The following PFKL variants were observed in gnomAD, a reference collection of about 807,000 sequenced individuals.
PFKL encodes phosphofructokinase, liver type, also known as ATP-dependent 6-phosphofructokinase, liver type.
PFKL carries 74 observed loss-of-function variants against 92.1 expected under a neutral mutation model. That is an observed-to-expected ratio of 0.80 (90% CI 0.67 to 0.97). The LOEUF is 0.97. PFKL is among the 50% of genes least tolerant of loss of function. The probability of loss-of-function intolerance (pLI) is 0.00; values close to 1 mark genes in which losing one functional copy is unlikely to be tolerated. For synonymous variants in PFKL, 494 were observed against 456.4 expected (o/e 1.08, Z -1.05); for missense variants, 1,028 against 1,116.6 (o/e 0.92, Z 1.13).
At chr21:44,322,824 A>G in intron 14 of PFKL, 138 bp from the exon 15 acceptor site, 1 of 559,424 alleles carries the variant, frequency 1.8e-6, no homozygotes, top group Non-Finnish European at 3.2e-6. Flanking sequence ...GTGGAGCCAC[A>G]GCGCCACATC....
chr21:44,314,217 G>A, intron 7 of PFKL, 196 bp downstream of exon 7: 1 of 582,988 alleles, frequency 1.7e-6, no homozygotes, highest in East Asian at 2.8e-5. Flanking sequence ...CTGTGGTCCT[G>A]CCCCCAGTGG....
intron 14 of PFKL, 122 bp from the exon 15 acceptor site, chr21:44,322,840 C>A: frequency 1.6e-6 from 1 of 622,566 alleles, no homozygotes; most frequent in Non-Finnish European, 2.8e-6. Flanking sequence ...ACATCCCGGG[C>A]ATTGCAGCGA....
In PFKL at chr21:44,311,015, G is replaced by T; in HGVS notation, c.169G>T (p.Gly57Cys). The stretch of plus-strand genomic sequence containing the variant: ...CCACTCTTGATTTCAGGGCTATGAG[G>T]GCCTCGTGGAGGGAGGTGAGAACAT... Reference protein sequence around the residue: ...KVFLIYEGYEGLVEGGENIKQ... With the variant: ...KVFLIYEGYECLVEGGENIKQ... Residue 57 changes from glycine (G) to cysteine (C), a missense_variant, in exon 3 of 22, where the codon GGC becomes TGC. Physicochemically the swap from Gly to Cys is radical, Grantham distance 159. Transcript: ENST00000349048. 6.2e-6 allele frequency: 10 copies of T among 1,612,856 alleles called. No individual in the cohort carries two copies. Among genetic ancestry groups the T allele is most frequent in the Non-Finnish European group, 8.5e-6 (10 of 1,179,410 alleles).
At chr21:44,312,426 T>C in intron 4 of PFKL, 132 bp downstream of exon 4, 2 of 826,256 alleles carry the variant, frequency 2.4e-6, no homozygotes, top group Non-Finnish European at 1.8e-6. Context: ...TGTCTGGCCG[T>C]TGGCCGGGGA....
At chr21:44,307,547 C>T (rs1271996853) in intron 2 of PFKL, among the ~76,000 whole-genome samples, 1 of 152,200 alleles carries the variant, frequency 6.6e-6, no homozygotes, top group Non-Finnish European at 1.5e-5. Flanking sequence ...CCCAGGCACT[C>T]AGCCCCACCC....
intron 9 of PFKL, 33 bp downstream of exon 9, chr21:44,316,557 C>T (rs1338258121): frequency 7.4e-6 from 11 of 1,490,292 alleles, no homozygotes; most frequent in African/African-American, 6.9e-5. Context: ...TGCGTACGTG[C>T]GTGGGTAAGC....
Position 44,326,660 on chromosome 21 carries a change from A to T in PFKL, c.2196-55A>T, listed in dbSNP as rs548684867. 5,496 of 1,575,852 alleles carry T rather than the reference A, an allele frequency of 3.5e-3. 13 individuals are homozygous for T. The highest frequency in any genetic ancestry group is 4.4e-3 in the Non-Finnish European group (5,117 of 1,160,522). On this transcript the variant is annotated intron_variant, in intron 21 of 21. Coordinates refer to ENST00000349048, the MANE Select transcript of PFKL (RefSeq NM_002626.6). ...GGTGGGGGGGCTGGGGACGTGGCTG[A>T]AGAGCTGCCCTGACCCCTGACTCCC...
At chr21:44,316,720 C>T (rs547513801) in intron 9 of PFKL, among the ~76,000 whole-genome samples, 196 bp downstream of exon 9, 43 of 151,358 alleles carry the variant, frequency 2.8e-4, no homozygotes, top group African/African-American at 9.5e-4. Context: ...GTGTCTGGTC[C>T]GTGTGGGTGT....
chr21:44,315,706 C>A (rs548228516), intron 7 of PFKL: 8 of 170,096 alleles, frequency 4.7e-5, no homozygotes, highest in Admixed American at 2.8e-4. Flanking sequence ...GATGGTGTGT[C>A]CTATGTGCAC....
At position 44,324,929 on chromosome 21, in the gene PFKL, G is replaced by A. The variant is rs143022969; in HGVS notation, c.1877+12G>A. ...GGCCTGGTGCTGCGGTGAGGCTGCC[G>A]TGGGTCCCTGGCCACAGCTGCGCGT... On this transcript the variant is annotated intron_variant, in intron 18 of 21. Coordinates refer to ENST00000349048, the MANE Select transcript of PFKL (RefSeq NM_002626.6). The A allele has an allele frequency of 0.01, 16,028 of 1,596,610 alleles. 108 individuals carry two copies. The highest frequency in any genetic ancestry group is 0.012 in the Middle Eastern group (74 of 6,038).
rs917202253 is a variant in PFKL at position 44,326,944 on chromosome 21, G to A, written c.*82G>A. ...GCTCAGATGGGGCCTGGGCTGTTGTGTCTGGAGCCTGCAGGCAGGTGGGGG... is the reference window on the plus strand; with the variant it reads ...GCTCAGATGGGGCCTGGGCTGTTGTATCTGGAGCCTGCAGGCAGGTGGGGG... On this transcript the variant is annotated 3_prime_UTR_variant, in exon 22 of 22. Coordinates refer to ENST00000349048, the MANE Select transcript of PFKL (RefSeq NM_002626.6). The A allele has an allele frequency of 4.4e-5, 59 of 1,333,946 alleles. No individual in the cohort carries two copies. Among genetic ancestry groups the A allele is most frequent in the Non-Finnish European group, 5.8e-5 (55 of 956,218 alleles). 82.6% of individuals were successfully genotyped at this position (1,333,946 alleles called of 1,614,324 possible).
At chr21:44,318,815 C>T (rs779205018) in intron 10 of PFKL, among the ~76,000 whole-genome samples, 1 of 152,190 alleles carries the variant, frequency 6.6e-6, no homozygotes, top group Non-Finnish European at 1.5e-5. Context: ...TGTGTCGGAG[C>T]TGCAGGGAGC....
In PFKL at chr21:44,322,209, C is replaced by G; in HGVS notation, c.1409+6C>G. 6.3e-7 allele frequency: 1 copy of G among 1,598,430 alleles called. No individual in the cohort carries two copies. The highest frequency in any genetic ancestry group is 8.5e-7 in the Non-Finnish European group (1 of 1,176,254). On this transcript the variant is annotated splice_donor_region_variant and intron_variant, in intron 14 of 21. Coordinates refer to ENST00000349048, the MANE Select transcript of PFKL (RefSeq NM_002626.6). ...TCCATGCTGGGGACCAAGAGGTGAG[C>G]TGCCTGCTGCGGGTACCTGGGGGCA...
chr21:44,305,384 G>C, intron 1 of PFKL: 1 of 1,365,102 alleles, frequency 7.3e-7, no homozygotes, highest in South Asian at 1.1e-5. Context: ...ATGTTCAAGG[G>C]AGCTGCCGAG....
chr21:44,310,714 C>A (rs1602011175), intron 2 of PFKL, among the ~76,000 whole-genome samples: 1 of 152,214 alleles, frequency 6.6e-6, no homozygotes, highest in Middle Eastern at 3.4e-3. Context: ...GCTGAACTTG[C>A]CTGTGTGGAT....
chr21:44,308,000 C>T (rs541698151), intron 2 of PFKL, among the ~76,000 whole-genome samples: 5 of 152,274 alleles, frequency 3.3e-5, no homozygotes, highest in Admixed American at 1.3e-4. Context: ...GGCACTTTGC[C>T]GTGCCTAGAG....
chr21:44,305,410 C>T, intron 1 of PFKL: 1 of 1,362,600 alleles, frequency 7.3e-7, no homozygotes, highest in Non-Finnish European at 9.8e-7. Context: ...AGCAGGAGCC[C>T]CCAGCAGGTC....
chr21:44,323,207 A>G (rs966108687), intron 15 of PFKL, among the ~76,000 whole-genome samples, 158 bp downstream of exon 15: 4 of 150,844 alleles, frequency 2.7e-5, no homozygotes, highest in Admixed American at 2.0e-4. Context: ...TCGGGAGGGC[A>G]CCCGTGTGCC....
rs115772636 is a variant in PFKL, at chr21:44,324,059, G to A, written c.1650+141G>A. Reference sequence around the variant, plus strand: ...GTTGGGGTTTGTGGGGCACAGGCCCGGGTGAAGGGGCTCAGCTCCCTGCCA... The same window carrying A: ...GTTGGGGTTTGTGGGGCACAGGCCCAGGTGAAGGGGCTCAGCTCCCTGCCA... On this transcript the variant is annotated intron_variant, in intron 16 of 21. Transcript: ENST00000349048. The A allele has an allele frequency of 2.8e-3, 2,592 of 923,560 alleles. 49 individuals carry two copies. The African/African-American group carries it at 0.034, about 12-fold the overall frequency. The allele number at this position is 923,560 out of a possible 1,614,324, so 57.2% of individuals were successfully genotyped here. A position where few individuals can be genotyped will look rare whatever the true frequency, so the allele number is the denominator to read the frequency against.
Sources: gnomAD v4.1 joint callset for allele counts (sites outside exome capture counted in the v4.1 genomes callset) on GRCh38, gnomAD v4.1.1 for gene constraint, MANE v1.5 for transcripts, NCBI Gene and HGNC (gene_info 2026-07-23, HGNC 2026-07-21) for gene names.